CCDC73: variants seen among roughly 807,000 people sequenced by gnomAD.
The protein encoded by CCDC73 is coiled-coil domain-containing protein 73.
A neutral mutation model predicts 116.5 loss-of-function variants in CCDC73; 95 were observed. The ratio of observed to expected loss-of-function variants is 0.82; its 90% confidence interval spans 0.69 to 0.97. The LOEUF (loss-of-function observed/expected upper bound fraction) is 0.97, where lower values mean the gene tolerates loss of function less well. Among genes scored for constraint, CCDC73 ranks in the 50% least tolerant of loss-of-function variants. CCDC73 has a pLI of 0.00. For missense variants in CCDC73, 1,066 were observed against 1,206.8 expected, an observed-to-expected ratio of 0.88 and a Z score of 1.73; for synonymous variants, 398 against 401.3, an observed-to-expected ratio of 0.99 and a Z score of 0.10.
chr11:32,698,150 G>A (rs1430350302), intron 6 of CCDC73, among the ~76,000 whole-genome samples: 4 of 150,376 alleles, frequency 2.7e-5, no homozygotes, highest in African/African-American at 4.9e-5. Flanking sequence ...TCAGCCTCCC[G>A]AGTAGCTGGG....
Position 32,760,291 on chromosome 11 carries a change from A to AT in CCDC73, c.-15-34dup, listed in dbSNP as rs397848720. 7.1e-6 allele frequency: 9 copies of AT among 1,266,248 alleles called. No homozygotes were observed. In the African/African-American group the frequency reaches 7.6e-5, roughly 11 times the overall value. 78.4% of individuals were successfully genotyped at this position (1,266,248 alleles called of 1,614,324 possible). A position where few individuals can be genotyped will look rare whatever the true frequency, so the allele number is the denominator to read the frequency against. On this transcript the variant is annotated intron_variant, in intron 1 of 17. Transcript: ENST00000335185. ...GTAAAAAGGTCTTAACTGAAAAAAA[A>AT]TTATCTAGGTTTTTCAAGTAAAAGC...
chr11:32,745,890 C>G (rs1850233837), intron 2 of CCDC73, among the ~76,000 whole-genome samples: 1 of 151,880 alleles, frequency 6.6e-6, no homozygotes, highest in Non-Finnish European at 1.5e-5. Flanking sequence ...GTTTGCCAGT[C>G]TGTGTCTTTT....
chr11:32,614,276 TG>T lies in CCDC73; in HGVS notation c.2041del (p.Gln681LysfsTer13), dbSNP rs1565056634. Reference sequence around the variant, plus strand: ...ACAGACTTGCAGAAAATCTGAAGTTTGTTTAGAAAGTAATATGCTGCACTCA... The same window carrying T: ...ACAGACTTGCAGAAAATCTGAAGTTTTTTAGAAAGTAATATGCTGCACTCA... Reference protein sequence around the residue: ...KSECSILLSKQTSDFLQVCND... With the variant: ...KSECSILLSKXTSDFLQVCND... On this transcript the variant is annotated frameshift_variant, in exon 16 of 18. Coordinates refer to ENST00000335185, the MANE Select transcript of CCDC73 (RefSeq NM_001008391.4). LOFTEE classifies it high-confidence loss of function. The T allele has an allele frequency of 1.9e-6, 3 of 1,613,712 alleles. No individual in the cohort carries two copies. The highest frequency in any genetic ancestry group is 2.5e-6 in the Non-Finnish European group (3 of 1,179,746).
intron 2 of CCDC73, among the ~76,000 whole-genome samples, chr11:32,759,555 C>T (rs1308546102): frequency 2.0e-5 from 3 of 152,074 alleles, no homozygotes; most frequent in African/African-American, 4.8e-5. Flanking sequence ...TGGTCTCGAA[C>T]TCCTGGCCTC....
intron 6 of CCDC73, among the ~76,000 whole-genome samples, chr11:32,698,825 G>C (rs962341253): frequency 6.6e-6 from 1 of 152,212 alleles, no homozygotes; most frequent in Non-Finnish European, 1.5e-5. Flanking sequence ...TATTCTCTAA[G>C]AGACTACGAA....
chr11:32,644,659 T>G (rs528494793), intron 12 of CCDC73, among the ~76,000 whole-genome samples: 1 of 152,290 alleles, frequency 6.6e-6, no homozygotes, highest in South Asian at 2.1e-4. Context: ...CCTCCCCAGT[T>G]GTTCATTTTA....
intron 2 of CCDC73, among the ~76,000 whole-genome samples, chr11:32,753,397 T>G (rs1164479887): frequency 6.6e-6 from 1 of 151,610 alleles, no homozygotes; most frequent in East Asian, 1.9e-4. Context: ...TTCTGGCAAG[T>G]GATCCTCCTA....
chr11:32,780,921 CTCAA>C (rs1450361859), intron 1 of CCDC73, among the ~76,000 whole-genome samples: 1 of 152,138 alleles, frequency 6.6e-6, no homozygotes, highest in East Asian at 1.9e-4. Flanking sequence ...TATAGTGCCT[CTCAA>C]AAGTTTGTGC....
intron 17 of CCDC73, among the ~76,000 whole-genome samples, chr11:32,608,847 C>T (rs1400566140): frequency 6.6e-6 from 1 of 152,180 alleles, no homozygotes; most frequent in Non-Finnish European, 1.5e-5. Flanking sequence ...AGGTTCAACA[C>T]CACATGGAAG....
chr11:32,629,793 G>C (rs1423099900), intron 14 of CCDC73, among the ~76,000 whole-genome samples: 1 of 146,876 alleles, frequency 6.8e-6, no homozygotes, highest in Non-Finnish European at 1.5e-5. Context: ...AAATGGAATG[G>C]CATCTTAAAA....
intron 14 of CCDC73, among the ~76,000 whole-genome samples, chr11:32,629,874 C>A (rs1447832910): frequency 2.8e-5 from 4 of 142,364 alleles, no homozygotes; most frequent in Admixed American, 1.4e-4. Context: ...GAGAAATAAA[C>A]CACCTTTTCA....
At chr11:32,695,088 T>C (rs2133308028) in intron 6 of CCDC73, among the ~76,000 whole-genome samples, 1 of 152,168 alleles carries the variant, frequency 6.6e-6, no homozygotes, top group Admixed American at 6.5e-5. Flanking sequence ...GAGCTTGCTG[T>C]CCGGGTGTGG....
chr11:32,637,121 G>A (rs1565063229), intron 13 of CCDC73, among the ~76,000 whole-genome samples: 1 of 143,628 alleles, frequency 7.0e-6, no homozygotes, highest in East Asian at 2.1e-4. Context: ...CTGGATTCAA[G>A]CGAGTCTTCT....
At position 32,656,402 on chromosome 11, in the gene CCDC73, G is replaced by A. The variant is rs1013652264; in HGVS notation, c.646-1430C>T. The stretch of plus-strand genomic sequence containing the variant: ...CCAGTTTTTCTACATTATAAGAGCC[G>A]GCTGCCTACCAGAGAAGCAAAGATG... On this transcript the variant is annotated intron_variant, in intron 9 of 17. Coordinates refer to ENST00000335185, the MANE Select transcript of CCDC73 (RefSeq NM_001008391.4). Among the ~76,000 whole-genome samples the A allele has an allele frequency of 5.3e-5, 8 of 152,190 alleles. No individual in the cohort carries two copies. The East Asian group carries it at 9.7e-4, about 18-fold the overall frequency.
chr11:32,767,444 T>C (rs1220731311), intron 1 of CCDC73, among the ~76,000 whole-genome samples: 3 of 152,136 alleles, frequency 2.0e-5, no homozygotes, highest in African/African-American at 4.8e-5. Flanking sequence ...CCAAAAGCAA[T>C]GGCAACAAAA....
intron 17 of CCDC73, chr11:32,606,085 T>G (rs1424040647): frequency 6.6e-6 from 1 of 152,138 alleles, no homozygotes. Flanking sequence ...TAATCAAGAT[T>G]GCAGTAGGCT....
the CCDC73 span, among the ~76,000 whole-genome samples, chr11:32,804,339 C>T: frequency 6.6e-6 from 1 of 152,132 alleles, no homozygotes; most frequent in Non-Finnish European, 1.5e-5. Context: ...GGGTTTCACC[C>T]AAGCAGGTCT....
intron 2 of CCDC73, among the ~76,000 whole-genome samples, chr11:32,732,939 G>A (rs1227764735): frequency 6.6e-6 from 1 of 152,140 alleles, no homozygotes; most frequent in Non-Finnish European, 1.5e-5. Context: ...AAATGTAAAT[G>A]GGCTAAATGC....
intron 16 of CCDC73, among the ~76,000 whole-genome samples, 195 bp downstream of exon 16, chr11:32,613,227 T>A (rs1299975602): frequency 1.3e-5 from 2 of 152,166 alleles, no homozygotes; most frequent in African/African-American, 4.8e-5. Flanking sequence ...GAGCAATAAA[T>A]ATTCACACTT....
Sources: allele counts gnomAD v4.1 joint callset (sites outside exome capture counted in the v4.1 genomes callset), GRCh38; gene constraint gnomAD v4.1.1; transcripts MANE v1.5; gene names NCBI Gene and HGNC (gene_info 2026-07-23, HGNC 2026-07-21).